The following VPS8 variants were observed in gnomAD, a reference collection of about 807,000 sequenced individuals.
The protein encoded by VPS8 is VPS8 subunit of CORVET complex.
A neutral mutation model predicts 216.4 loss-of-function variants in VPS8; 129 were observed. That is an observed-to-expected ratio of 0.60 (90% confidence interval 0.52 to 0.69). VPS8 has a LOEUF of 0.69. Among genes scored for constraint, VPS8 ranks in the 30% least tolerant of loss-of-function variants. The pLI, the probability that VPS8 is intolerant of heterozygous loss-of-function variation, is 0.00. For synonymous variants in VPS8, 571 were observed against 565.4 expected (o/e 1.01, Z -0.14); for missense variants, 1,531 against 1,683.5 (o/e 0.91, Z 1.59).
intron 10 of VPS8, among the ~76,000 whole-genome samples, chr3:184,851,774 T>C (rs1219175922): frequency 1.3e-5 from 2 of 152,172 alleles, no homozygotes; most frequent in African/African-American, 4.8e-5. Context: ...TGAGGCGTGC[T>C]ATTTAGGATG....
At chr3:184,872,392 A>G (rs2108786610) in intron 21 of VPS8, among the ~76,000 whole-genome samples, 1 of 152,252 alleles carries the variant, frequency 6.6e-6, no homozygotes, top group Non-Finnish European at 1.5e-5. Context: ...GAGAAATAGT[A>G]AAGAATCTCA....
chr3:184,887,250 G>A (rs1476083310), intron 22 of VPS8, among the ~76,000 whole-genome samples: 2 of 152,158 alleles, frequency 1.3e-5, no homozygotes, highest in Non-Finnish European at 2.9e-5. Flanking sequence ...AGGAGGCTGA[G>A]GTGGGAGGAT....
At chr3:184,946,168 C>T (rs1743641075) in intron 36 of VPS8, among the ~76,000 whole-genome samples, 1 of 152,234 alleles carries the variant, frequency 6.6e-6, no homozygotes, top group South Asian at 2.1e-4. Context: ...AGCTAGGTTA[C>T]AGTGGCTGGC....
intron 34 of VPS8, among the ~76,000 whole-genome samples, chr3:184,930,985 C>T (rs1290114235): frequency 6.6e-6 from 1 of 152,124 alleles, no homozygotes; most frequent in Non-Finnish European, 1.5e-5. Flanking sequence ...TGATTCTGAC[C>T]TAGCTGTGGT....
chr3:184,927,277 A>G (rs911726730), intron 31 of VPS8, among the ~76,000 whole-genome samples: 1 of 152,210 alleles, frequency 6.6e-6, no homozygotes, highest in Non-Finnish European at 1.5e-5. Flanking sequence ...TTGTCAGGTA[A>G]GTAAACTACT....
chr3:184,874,236 G>A (rs1024911009), intron 21 of VPS8, among the ~76,000 whole-genome samples: 5 of 152,012 alleles, frequency 3.3e-5, no homozygotes, highest in African/African-American at 7.2e-5. Context: ...TGCCTGTGAC[G>A]TAACATAATT....
intron 45 of VPS8, among the ~76,000 whole-genome samples, chr3:185,012,590 T>C (rs1265111578): frequency 6.6e-6 from 1 of 151,466 alleles, no homozygotes; most frequent in Non-Finnish European, 1.5e-5. Context: ...AGTCAAACTG[T>C]TGAAACCAAA....
intron 3 of VPS8, among the ~76,000 whole-genome samples, chr3:184,827,059 C>G (rs1275918496): frequency 6.6e-6 from 1 of 152,138 alleles, no homozygotes; most frequent in Non-Finnish European, 1.5e-5. Flanking sequence ...AAAGATCTTG[C>G]AATGTATAAA....
intron 46 of VPS8, among the ~76,000 whole-genome samples, chr3:185,043,362 G>A (rs550661987): frequency 1.2e-4 from 19 of 152,256 alleles, no homozygotes; most frequent in Admixed American, 3.9e-4. Context: ...GAGACTAATG[G>A]ACAACAGGAA....
In VPS8 at chr3:184,886,970, TTTTG is replaced by T. The variant is rs957107290; in HGVS notation, c.1781+826_1781+829del. 9.2e-5 allele frequency among the ~76,000 whole-genome samples: 14 copies of T among 152,340 alleles called. No individual in the cohort carries two copies. In the South Asian group the frequency reaches 1.2e-3, roughly 14 times the overall value. On this transcript the variant is annotated intron_variant, in intron 22 of 47. Coordinates refer to ENST00000625842, the MANE Select transcript of VPS8 (RefSeq NM_001009921.3). ...TTCATTGTGCTTATGCAGTACTATT[TTTTG>T]TTTGTTTGTTTAAAATAAATCAGTA...
rs541227350 is a variant in VPS8, at chr3:184,816,910, A to G, written c.-89+4685A>G. 7.0e-4 allele frequency among the ~76,000 whole-genome samples: 106 copies of G among 152,298 alleles called. 3 individuals are homozygous for G. The Middle Eastern group carries it at 0.014, about 20-fold the overall frequency. The stretch of plus-strand genomic sequence containing the variant: ...TGCAGAATCATGAATCATGATTCAT[A>G]GAATCATCTATATGAATCATTTCTT... On this transcript the variant is annotated intron_variant, in intron 1 of 47. Transcript: ENST00000625842.
At position 185,005,625 on chromosome 3, in the gene VPS8, TTTTA is replaced by T. The variant is rs58712087; in HGVS notation, c.4002+5791_4002+5794del. Among the ~76,000 whole-genome samples the T allele has an allele frequency of 7.6e-3, 1,136 of 150,274 alleles. 7 individuals carry two copies. Among genetic ancestry groups the T allele is most frequent in the African/African-American group, 0.022 (894 of 40,848 alleles). Reference sequence around the variant, plus strand: ...GGTATATTCCTAAGTATTTTATTTATTTTATTTATTTATTTATTTATTTATTTAT... The same window carrying T: ...GGTATATTCCTAAGTATTTTATTTATTTTATTTATTTATTTATTTATTTAT... On this transcript the variant is annotated intron_variant, in intron 45 of 47. Transcript: ENST00000625842.
chr3:185,019,540 A>G (rs767943770), intron 45 of VPS8, among the ~76,000 whole-genome samples: 8 of 152,236 alleles, frequency 5.3e-5, no homozygotes, highest in East Asian at 1.9e-4. Flanking sequence ...ATGGGCCGAA[A>G]TAAAGGGATG....
chr3:184,824,457 A>T, intron 1 of VPS8, 88 bp from the exon 2 acceptor site: 3 of 665,780 alleles, frequency 4.5e-6, no homozygotes, highest in Non-Finnish European at 5.0e-6. Context: ...AATCTGACCA[A>T]GTAAGTCTTT....
intron 1 of VPS8, among the ~76,000 whole-genome samples, chr3:184,819,357 G>A (rs1424811717): frequency 6.6e-6 from 1 of 152,148 alleles, no homozygotes; most frequent in Non-Finnish European, 1.5e-5. Context: ...TTATGTGCAA[G>A]TACTCTCTGG....
chr3:184,865,457 A>G (rs1727160452), intron 16 of VPS8, among the ~76,000 whole-genome samples: 1 of 152,230 alleles, frequency 6.6e-6, no homozygotes, highest in African/African-American at 2.4e-5. Flanking sequence ...AGTGATCTGT[A>G]AAGATTTAGA....
In VPS8 at chr3:184,855,819, G is replaced by A; in HGVS notation, c.1143+1G>A. The A allele has an allele frequency of 6.2e-7, 1 of 1,609,368 alleles. No homozygotes were observed. The highest frequency in any genetic ancestry group is 1.1e-5 in the South Asian group (1 of 90,540). ...AGGAGATGTTGTTCATTTTCTATTG[G>A]TAAGTCCTAATATGACCATTAGAAA... On this transcript the variant is annotated splice_donor_variant, in intron 14 of 47. Transcript: ENST00000625842. LOFTEE classifies it high-confidence loss of function.
intron 42 of VPS8, among the ~76,000 whole-genome samples, chr3:184,991,591 G>T (rs139596214): frequency 6.6e-6 from 1 of 151,966 alleles, no homozygotes; most frequent in African/African-American, 2.4e-5. Context: ...CACCCTTGTC[G>T]AAAACACATG....
chr3:184,836,740 C>T (rs934872561), intron 5 of VPS8, among the ~76,000 whole-genome samples: 5 of 152,112 alleles, frequency 3.3e-5, no homozygotes, highest in Non-Finnish European at 7.3e-5. Context: ...AATAATTGCT[C>T]AATAGTGCCT....
Sources: gnomAD v4.1 joint callset for allele counts (sites outside exome capture counted in the v4.1 genomes callset) on GRCh38, gnomAD v4.1.1 for gene constraint, MANE v1.5 for transcripts, NCBI Gene and HGNC (gene_info 2026-07-23, HGNC 2026-07-21) for gene names.